The following TBC1D12 variants were observed in gnomAD, a reference collection of about 807,000 sequenced individuals.
TBC1D12 encodes the protein TBC1 domain family member 12, also known as TBC1 domain family, member 12.
Under a neutral mutation model 86.7 loss-of-function variants are expected in TBC1D12, and 56 were observed. That is an observed-to-expected ratio of 0.65 (90% confidence interval 0.52 to 0.81). The LOEUF (loss-of-function observed/expected upper bound fraction) is 0.81. TBC1D12 is among the 30% of genes least tolerant of loss of function. TBC1D12 has a pLI of 0.00. For synonymous variants in TBC1D12, 421 were observed against 411.7 expected, an observed-to-expected ratio of 1.02 and a Z score of -0.27; for missense variants, 1,023 against 1,038.8, an observed-to-expected ratio of 0.98 and a Z score of 0.21.
chr10:94,468,773 A>G (rs1230869538), intron 2 of TBC1D12, among the ~76,000 whole-genome samples: 1 of 152,168 alleles, frequency 6.6e-6, no homozygotes, highest in African/African-American at 2.4e-5. Context: ...CCCTCGTACC[A>G]ACACTCCAAT....
chr10:94,523,443 G>A (rs918188684), intron 11 of TBC1D12, among the ~76,000 whole-genome samples: 3 of 151,862 alleles, frequency 2.0e-5, no homozygotes, highest in Non-Finnish European at 4.4e-5. Flanking sequence ...TCTTTACTAA[G>A]GGCTTCATAT....
chr10:94,455,456 A>C (rs1442840846), intron 2 of TBC1D12, among the ~76,000 whole-genome samples: 2 of 152,180 alleles, frequency 1.3e-5, no homozygotes, highest in Non-Finnish European at 2.9e-5. Context: ...GAGATTATAG[A>C]TAATTGATAC....
rs12413253 is a variant in TBC1D12, at chr10:94,497,086, C to G, written c.1326C>G (p.Ile442Met). 867 of 1,567,522 alleles carry G rather than the reference C, an allele frequency of 5.5e-4. 16 individuals are homozygous for G. The Admixed American group carries it at 0.016, about 29-fold the overall frequency. Residue 442 changes from isoleucine (I) to methionine (M), a missense_variant, in exon 5 of 13, where the codon ATC (isoleucine) becomes ATG (methionine). This residue lies in a region of TBC1D12 where 395 missense variants were observed against 507.7 expected (regional missense o/e 0.78). Transcript: ENST00000225235. ...EIKEAHKRKR[I>M]MKERFKQEEN... ...AGGAAGCACATAAAAGAAAAAGAAT[C>G]ATGAAAGAACGATTTAAGCAGGAAG...
intron 3 of TBC1D12, among the ~76,000 whole-genome samples, chr10:94,492,832 T>C (rs150702859): frequency 7.9e-5 from 12 of 152,372 alleles, no homozygotes; most frequent in Non-Finnish European, 8.8e-5. Flanking sequence ...GGTATATACA[T>C]TTGTCAAGAC....
At chr10:94,407,892 A>G (rs1406250719) in intron 1 of TBC1D12, among the ~76,000 whole-genome samples, 1 of 151,892 alleles carries the variant, frequency 6.6e-6, no homozygotes, top group South Asian at 2.1e-4. Context: ...CCTGAGTCCA[A>G]GAGTTCAAGG....
intron 3 of TBC1D12, among the ~76,000 whole-genome samples, chr10:94,480,620 T>G (rs764339440): frequency 4.0e-5 from 6 of 151,840 alleles, no homozygotes; most frequent in Non-Finnish European, 5.9e-5. Flanking sequence ...CCCTTTGCAT[T>G]TAGGTTTCCC....
chr10:94,514,896 GT>G (rs1234481579), intron 9 of TBC1D12, among the ~76,000 whole-genome samples: 105 of 141,840 alleles, frequency 7.4e-4, no homozygotes, highest in Non-Finnish European at 1.0e-3. Flanking sequence ...CAGTGTGCAA[GT>G]TTTTTTTTTC....
intron 3 of TBC1D12, among the ~76,000 whole-genome samples, chr10:94,483,870 A>G (rs2056118447): frequency 6.6e-6 from 1 of 152,112 alleles, no homozygotes; most frequent in Non-Finnish European, 1.5e-5. Flanking sequence ...AGTGTCCTGG[A>G]GAGTTTCCCC....
chr10:94,423,889 A>T (rs1326190399), intron 1 of TBC1D12, among the ~76,000 whole-genome samples: 4 of 152,000 alleles, frequency 2.6e-5, no homozygotes, highest in African/African-American at 9.7e-5. Flanking sequence ...CAGTCAGATG[A>T]CCCTTTCTGT....
intron 2 of TBC1D12, among the ~76,000 whole-genome samples, chr10:94,457,701 A>C (rs2055649016): frequency 6.6e-6 from 1 of 152,032 alleles, no homozygotes. Context: ...ATTTGTTTCC[A>C]GTTTTGTCTT....
intron 3 of TBC1D12, among the ~76,000 whole-genome samples, chr10:94,478,179 T>C (rs1035491518): frequency 2.0e-5 from 3 of 152,096 alleles, no homozygotes; most frequent in Non-Finnish European, 4.4e-5. Context: ...GGAGGATTTC[T>C]TGAGCCCAGG....
chr10:94,484,566 C>A (rs571830475), intron 3 of TBC1D12, among the ~76,000 whole-genome samples: 9 of 152,222 alleles, frequency 5.9e-5, no homozygotes, highest in African/African-American at 2.2e-4. Context: ...CTCAAAATAG[C>A]TTTGGCTATT....
intron 7 of TBC1D12, 95 bp downstream of exon 7, chr10:94,507,442 T>A: frequency 9.2e-7 from 1 of 1,087,298 alleles, no homozygotes; most frequent in South Asian, 1.6e-5. Context: ...ATATATCATC[T>A]TATTTAATCT....
intron 2 of TBC1D12, among the ~76,000 whole-genome samples, chr10:94,450,036 A>G (rs948083346): frequency 8.5e-5 from 13 of 152,214 alleles, no homozygotes; most frequent in African/African-American, 2.2e-4. Flanking sequence ...GGCTTTTTCT[A>G]TAGCAGAACT....
chr10:94,517,165 G>A (rs914632241), intron 9 of TBC1D12, among the ~76,000 whole-genome samples: 1 of 152,182 alleles, frequency 6.6e-6, no homozygotes, highest in African/African-American at 2.4e-5. Context: ...ATCACTTGAG[G>A]CCAGGAGTTT....
chr10:94,472,371 C>T lies in TBC1D12; in HGVS notation c.1096-2297C>T, dbSNP rs192788313. Among the ~76,000 whole-genome samples, 88 of 152,336 alleles carry T rather than the reference C, an allele frequency of 5.8e-4. 1 individual carries two copies. The highest frequency in any genetic ancestry group is 3.4e-4 in the Non-Finnish European group (23 of 68,036). On this transcript the variant is annotated intron_variant, in intron 2 of 12. Transcript: ENST00000225235. ...TAATGACCTTCAGCAAATGAGTATA[C>T]ATCTTTGTGCCTCAGTTTTTCTCCA...
At chr10:94,472,240 A>T (rs996865834) in intron 2 of TBC1D12, among the ~76,000 whole-genome samples, 6 of 152,216 alleles carry the variant, frequency 3.9e-5, no homozygotes, top group Non-Finnish European at 7.3e-5. Context: ...TCCCATCTCT[A>T]CAAAAAAAAA....
chr10:94,404,141 T>C (rs1433973310), intron 1 of TBC1D12, among the ~76,000 whole-genome samples: 1 of 152,198 alleles, frequency 6.6e-6, no homozygotes, highest in African/African-American at 2.4e-5. Context: ...GTGGTTGTGC[T>C]TCATAGTGTT....
At chr10:94,522,491 G>T in intron 11 of TBC1D12, 38 bp downstream of exon 11, 1 of 877,510 alleles carries the variant, frequency 1.1e-6, no homozygotes, top group Non-Finnish European at 1.7e-6. Flanking sequence ...TAATGAAAAG[G>T]AAATAAAGTA....
Sources: gnomAD v4.1 joint callset for allele counts (sites outside exome capture counted in the v4.1 genomes callset) on GRCh38, gnomAD v4.1.1 for gene constraint, gnomAD v4.1.1 regional missense constraint, MANE v1.5 for transcripts, NCBI Gene and HGNC (gene_info 2026-07-23, HGNC 2026-07-21) for gene names.